The following SMURF1 variants were observed in gnomAD, a reference collection of about 807,000 sequenced individuals.
SMURF1 encodes E3 ubiquitin-protein ligase SMURF1.
In SMURF1, 44 loss-of-function variants were observed where a neutral mutation model predicts 98.0. That is an observed-to-expected ratio of 0.45 (90% confidence interval 0.35 to 0.58). SMURF1 has a LOEUF of 0.58. Ranked by LOEUF, SMURF1 falls within the 20% of genes least tolerant of loss-of-function variation. The probability of loss-of-function intolerance (pLI) is 0.00; values close to 1 mark genes in which losing one functional copy is unlikely to be tolerated. For synonymous variants in SMURF1, 396 were observed against 374.9 expected, an observed-to-expected ratio of 1.06 and a Z score of -0.65; for missense variants, 687 against 938.4, an observed-to-expected ratio of 0.73 and a Z score of 3.50.
At chr7:99,130,129 T>C (rs1282459923) in intron 1 of SMURF1, among the ~76,000 whole-genome samples, 1 of 152,224 alleles carries the variant, frequency 6.6e-6, no homozygotes, top group East Asian at 1.9e-4. Flanking sequence ...AATGTATTCC[T>C]ATAATCTGTA....
intron 1 of SMURF1, among the ~76,000 whole-genome samples, chr7:99,105,015 C>T (rs1271245928): frequency 1.3e-5 from 2 of 152,212 alleles, no homozygotes; most frequent in African/African-American, 2.4e-5. Context: ...GTTTCTGTTG[C>T]CTGTAACCAA....
At chr7:99,122,033 C>T (rs772842951) in intron 1 of SMURF1, among the ~76,000 whole-genome samples, 1 of 152,180 alleles carries the variant, frequency 6.6e-6, no homozygotes, top group Non-Finnish European at 1.5e-5. Context: ...CTGTTTTTAG[C>T]ATTTTGAAAT....
Position 99,029,910 on chromosome 7 carries a change from C to T in SMURF1, c.*674G>A, listed in dbSNP as rs1007482196. On this transcript the variant is annotated 3_prime_UTR_variant, in exon 18 of 18. Transcript: ENST00000361368. ...CTCTATGTAAAACAAAATTTTCAGCCAAGATACCCAGAAAAGAAATATCCT... is the reference window on the plus strand; with the variant it reads ...CTCTATGTAAAACAAAATTTTCAGCTAAGATACCCAGAAAAGAAATATCCT... 7 of 152,178 alleles carry T rather than the reference C, an allele frequency of 4.6e-5. No individual in the cohort carries two copies. Among genetic ancestry groups the T allele is most frequent in the African/African-American group, 1.4e-4 (6 of 41,426 alleles). The allele number at this position is 152,178 out of a possible 1,614,324, so 9.4% of individuals were successfully genotyped here.
At chr7:99,075,366 C>G (rs752453834) in intron 1 of SMURF1, among the ~76,000 whole-genome samples, 1 of 152,152 alleles carries the variant, frequency 6.6e-6, no homozygotes, top group Non-Finnish European at 1.5e-5. Flanking sequence ...AAGTGATCTG[C>G]CTGCTTCAGC....
At chr7:99,107,251 T>C (rs1797213824) in intron 1 of SMURF1, among the ~76,000 whole-genome samples, 1 of 152,218 alleles carries the variant, frequency 6.6e-6, no homozygotes, top group African/African-American at 2.4e-5. Context: ...ACTTTGTATA[T>C]TTCAAAATAA....
intron 1 of SMURF1, among the ~76,000 whole-genome samples, chr7:99,142,584 G>GC: frequency 7.1e-6 from 1 of 140,386 alleles, no homozygotes; most frequent in South Asian, 2.4e-4. Context: ...AGGAATGAGG[G>GC]CGGGGCTTGA....
chr7:99,115,421 T>C (rs1797417251), intron 1 of SMURF1, among the ~76,000 whole-genome samples: 1 of 152,022 alleles, frequency 6.6e-6, no homozygotes, highest in African/African-American at 2.4e-5. Context: ...AGTGAAACCC[T>C]GTCTCTACAA....
Position 99,108,384 on chromosome 7 carries a change from C to A in SMURF1, c.55+35342G>T, listed in dbSNP as rs368489005. 5.9e-5 allele frequency among the ~76,000 whole-genome samples: 9 copies of A among 151,578 alleles called. No homozygotes were observed. The East Asian group carries it at 1.2e-3, about 20-fold the overall frequency. On this transcript the variant is annotated intron_variant, in intron 1 of 17. Transcript: ENST00000361368. ...CAGCACTTTGGGAGGCCGAGGCGGG[C>A]AGATTACCTAAGGTCAGGGGTTCAA...
At chr7:99,048,849 G>A (rs894308039) in intron 9 of SMURF1, 9 of 152,252 alleles carry the variant, frequency 5.9e-5, no homozygotes, top group Non-Finnish European at 1.2e-4. Context: ...CCAGCACTTC[G>A]GGAGGCCAAG....
Position 99,054,865 on chromosome 7 carries a change from A to G in SMURF1, c.404T>C (p.Val135Ala). 1 of 1,614,102 alleles carries G rather than the reference A, an allele frequency of 6.2e-7. No individual in the cohort carries two copies. The highest frequency in any genetic ancestry group is 8.5e-7 in the Non-Finnish European group (1 of 1,179,978). ...TATTCTGTCTCGTGTCTGTAAACTGACTAAAAGAGAAAAGAACGACTTGTG... is the reference window on the plus strand; with the variant it reads ...TATTCTGTCTCGTGTCTGTAAACTGGCTAAAAGAGAAAAGAACGACTTGTG... ...DTDAVRGQIV[V>A]SLQTRDRIGT... Residue 135 changes from valine (V) to alanine (A), a missense_variant and splice_region_variant, in exon 6 of 18, where the codon GTC becomes GCC. By Grantham distance (64) the Val-to-Ala change is moderately conservative (BLOSUM62 0). Transcript: ENST00000361368.
intron 1 of SMURF1, among the ~76,000 whole-genome samples, chr7:99,106,503 T>C (rs1437434836): frequency 1.3e-5 from 2 of 152,212 alleles, no homozygotes; most frequent in African/African-American, 4.8e-5. Flanking sequence ...TGGTAAATAC[T>C]GGGAACACAA....
intron 1 of SMURF1, among the ~76,000 whole-genome samples, chr7:99,089,628 G>A (rs1014360273): frequency 3.5e-4 from 53 of 151,954 alleles, no homozygotes; most frequent in African/African-American, 1.1e-3. Context: ...GCAACAGAGC[G>A]AGACCCTGTC....
intron 13 of SMURF1, among the ~76,000 whole-genome samples, chr7:99,039,756 G>A (rs1003413627): frequency 1.3e-5 from 2 of 152,144 alleles, no homozygotes; most frequent in African/African-American, 4.8e-5. Context: ...CCCCGACTCC[G>A]ACTCACCCAC....
At chr7:99,135,060 T>A (rs1457274082) in intron 1 of SMURF1, among the ~76,000 whole-genome samples, 1 of 152,184 alleles carries the variant, frequency 6.6e-6, no homozygotes, top group Non-Finnish European at 1.5e-5. Context: ...GAAGTCCTTA[T>A]AAATATGAGT....
intron 1 of SMURF1, among the ~76,000 whole-genome samples, chr7:99,086,764 C>T (rs796696682): frequency 2.0e-5 from 3 of 152,266 alleles, no homozygotes; most frequent in East Asian, 1.9e-4. Context: ...CATACTCCAA[C>T]GTAAGTGCAC....
In SMURF1 at chr7:99,046,601, G is replaced by A. The variant is rs145246553; in HGVS notation, c.1153-800C>T. Among the ~76,000 whole-genome samples, 930 of 151,710 alleles carry A rather than the reference G, an allele frequency of 6.1e-3. 9 individuals carry two copies. Among genetic ancestry groups the A allele is most frequent in the African/African-American group, 0.02 (814 of 41,384 alleles). The stretch of plus-strand genomic sequence containing the variant: ...CAAAAAATTAGCTGGGCCTGGTGGC[G>A]GGCGCCTGTAATCCCAGCTACACGG... On this transcript the variant is annotated intron_variant, in intron 10 of 17. Coordinates refer to ENST00000361368, the MANE Select transcript of SMURF1 (RefSeq NM_181349.3).
Position 99,063,304 on chromosome 7 carries a change from T to A in SMURF1, c.56-1467A>T, listed in dbSNP as rs1432797527. ...ATATATATATATATATATATATATA[T>A]AAAAAGAGACAGGGTCTCACTCCGT... On this transcript the variant is annotated intron_variant, in intron 1 of 17. Coordinates refer to ENST00000361368, the MANE Select transcript of SMURF1 (RefSeq NM_181349.3). Among the ~76,000 whole-genome samples, 129 of 28,388 alleles carry A rather than the reference T, an allele frequency of 4.5e-3. 2 individuals carry two copies. Among genetic ancestry groups the A allele is most frequent in the African/African-American group, 7.3e-3 (94 of 12,884 alleles). 18.6% of individuals were successfully genotyped at this position (28,388 alleles called of 152,430 possible).
At chr7:99,067,368 A>G (rs933867190) in intron 1 of SMURF1, among the ~76,000 whole-genome samples, 1 of 152,218 alleles carries the variant, frequency 6.6e-6, no homozygotes, top group Admixed American at 6.5e-5. Context: ...AGCAATTAAC[A>G]AAAGACACAT....
intron 1 of SMURF1, among the ~76,000 whole-genome samples, chr7:99,075,084 AAGT>A (rs1165510457): frequency 5.9e-5 from 9 of 152,278 alleles, no homozygotes; most frequent in African/African-American, 2.2e-4. Context: ...TAGCAGTAGT[AAGT>A]AGTGTTTTCC....
Sources: gnomAD v4.1 joint callset for allele counts (sites outside exome capture counted in the v4.1 genomes callset) on GRCh38, gnomAD v4.1.1 for gene constraint, MANE v1.5 for transcripts, NCBI Gene and HGNC (gene_info 2026-07-23, HGNC 2026-07-21) for gene names.